DNAH1: variants seen among roughly 807,000 people sequenced by gnomAD.
The protein encoded by DNAH1 is dynein axonemal heavy chain 1, also known as axonemal beta dynein heavy chain 1.
DNAH1 carries 327 observed loss-of-function variants against 484.3 expected under a neutral mutation model. That is an observed-to-expected ratio of 0.68 (90% CI 0.62 to 0.74). The LOEUF is 0.74. Ranked by LOEUF, DNAH1 falls within the 30% of genes least tolerant of loss-of-function variation. The pLI is 0.00. For synonymous variants in DNAH1, 2,192 were observed against 2,191.9 expected, an observed-to-expected ratio of 1.00 and a Z score of 0.00; for missense variants, 5,052 against 5,546.8, an observed-to-expected ratio of 0.91 and a Z score of 2.83.
chr3:52,373,526 G>T, intron 44 of DNAH1: 2 of 1,461,672 alleles, frequency 1.4e-6, no homozygotes, highest in African/African-American at 1.4e-5. Flanking sequence ...TTGCTGTCCC[G>T]TCTACAGTGT....
chr3:52,391,991 G>A (rs1212085550), intron 63 of DNAH1, among the ~76,000 whole-genome samples: 1 of 152,168 alleles, frequency 6.6e-6, no homozygotes, highest in Non-Finnish European at 1.5e-5. Context: ...CAAATGCCCT[G>A]CTTCTTATCC....
In DNAH1 at chr3:52,379,836, CCTGGTGGTTTGAG is replaced by C; in HGVS notation, c.7378-68_7378-56del. On this transcript the variant is annotated intron_variant, in intron 47 of 77. Coordinates refer to ENST00000420323, the MANE Select transcript of DNAH1 (RefSeq NM_015512.5). The surrounding 1 kb of genome is among the most constrained non-coding windows in gnomAD (Gnocchi z 4.4). ...AGGAACTGGGGCCCACCCTCCCTTG[CCTGGTGGTTTGAG>C]AGATAGCTGAGGGCTTGGGGGCCAA... 1 of 1,403,260 alleles carries C rather than the reference CCTGGTGGTTTGAG, an allele frequency of 7.1e-7. No homozygotes were observed. 86.9% of individuals were successfully genotyped at this position (1,403,260 alleles called of 1,614,324 possible). A position where few individuals can be genotyped will look rare whatever the true frequency, so the allele number is the denominator to read the frequency against.
At chr3:52,351,427 A>G (rs73091151) in intron 16 of DNAH1, among the ~76,000 whole-genome samples, 3 of 152,346 alleles carry the variant, frequency 2.0e-5, no homozygotes, top group Non-Finnish European at 2.9e-5. Context: ...AGAGGGAGAC[A>G]CTGGCAGACA....
Position 52,386,722 on chromosome 3 carries a change from A to C in DNAH1, c.8872A>C (p.Met2958Leu), listed in dbSNP as rs1183616337. 1.9e-6 allele frequency: 3 copies of C among 1,591,964 alleles called. No individual in the cohort carries two copies. The African/African-American group carries it at 4.0e-5, about 21-fold the overall frequency. ...VKLVIEAVCI[M>L]KGIKPKKVPG... Reference sequence around the variant, plus strand: ...ACTGGTCATAGAAGCTGTGTGCATTATGAAAGGCATCAAGCCCAAGAAGGT... The same window carrying C: ...ACTGGTCATAGAAGCTGTGTGCATTCTGAAAGGCATCAAGCCCAAGAAGGT... Residue 2958 changes from methionine (M) to leucine (L), a missense_variant, in exon 56 of 78, where the codon ATG becomes CTG. Coordinates refer to ENST00000420323, the MANE Select transcript of DNAH1 (RefSeq NM_015512.5).
chr3:52,337,735 A>T (rs535855431), intron 8 of DNAH1, among the ~76,000 whole-genome samples: 1 of 152,174 alleles, frequency 6.6e-6, no homozygotes, highest in Non-Finnish European at 1.5e-5. Flanking sequence ...TATAGTCTCC[A>T]TTATCCCCTG....
intron 1 of DNAH1, among the ~76,000 whole-genome samples, chr3:52,322,155 C>T (rs939034562): frequency 6.6e-6 from 1 of 152,144 alleles, no homozygotes; most frequent in Non-Finnish European, 1.5e-5. Context: ...TTTCCCCTCA[C>T]TCAGCCCTTA....
At position 52,397,721 on chromosome 3, in the gene DNAH1, C is replaced by T. The variant is rs370625649; in HGVS notation, c.11802C>T (p.Tyr3934=). ...CTCTCTCCTAGGGCTACCTCTCCTA[C>T]ATCAAGAGCCTCCCACTCAATGATA... The part of the protein sequence containing the change: ...PTYDLHGYLS[Y]IKSLPLNDMP... The change falls in exon 74 of 78, where the codon TAC becomes TAT. Residue 3934 remains tyrosine (Y), a synonymous_variant. Coordinates refer to ENST00000420323, the MANE Select transcript of DNAH1 (RefSeq NM_015512.5). 8.1e-5 allele frequency: 131 copies of T among 1,609,480 alleles called. No homozygotes were observed. Among genetic ancestry groups the T allele is most frequent in the Non-Finnish European group, 1.0e-4 (123 of 1,177,586 alleles).
chr3:52,332,326 C>T lies in DNAH1; in HGVS notation c.1218C>T (p.Ile406=). The T allele has an allele frequency of 6.2e-7, 1 of 1,614,084 alleles. No homozygotes were observed. The highest frequency in any genetic ancestry group is 8.5e-7 in the Non-Finnish European group (1 of 1,179,908). The change falls in exon 8 of 78, where the codon ATC becomes ATT. Residue 406 remains isoleucine, a synonymous_variant. Transcript: ENST00000420323. ...TGCCCTCTGACGGCCAGCATGTCATCAGTGAACAGAGCCTGAGCAAGATCA... is the reference window on the plus strand; with the variant it reads ...TGCCCTCTGACGGCCAGCATGTCATTAGTGAACAGAGCCTGAGCAAGATCA... ...DCMPSDGQHV[I]SEQSLSKIKQ... is the part of the protein sequence containing the mutation.
chr3:52,352,277 A>G (rs562154010), intron 17 of DNAH1, among the ~76,000 whole-genome samples, 174 bp downstream of exon 17: 3 of 152,160 alleles, frequency 2.0e-5, no homozygotes, highest in African/African-American at 7.2e-5. Flanking sequence ...GGCCAAAGAG[A>G]TGCCTGGGCA....
intron 8 of DNAH1, among the ~76,000 whole-genome samples, chr3:52,340,971 C>T (rs1368257295): frequency 6.6e-6 from 1 of 151,880 alleles, no homozygotes; most frequent in African/African-American, 2.4e-5. Flanking sequence ...TTCCTTCCTT[C>T]CTCCCTCCCT....
intron 66 of DNAH1, among the ~76,000 whole-genome samples, chr3:52,393,882 G>C (rs1489818390): frequency 1.3e-5 from 2 of 152,230 alleles, no homozygotes; most frequent in African/African-American, 4.8e-5. Context: ...CTGGAAGACA[G>C]AGCGATATTC....
intron 6 of DNAH1, 23 bp from the exon 7 acceptor site, chr3:52,331,125 T>C: frequency 1.3e-6 from 2 of 1,567,474 alleles, no homozygotes; most frequent in Non-Finnish European, 1.7e-6. Flanking sequence ...GGGGCACTGG[T>C]GGAGTTTCTC....
intron 43 of DNAH1, 88 bp from the exon 44 acceptor site, chr3:52,372,808 C>G: frequency 6.6e-7 from 1 of 1,514,468 alleles, no homozygotes; most frequent in Non-Finnish European, 8.8e-7. Context: ...AAGGGCTTCC[C>G]AGAGGCAAAG....
intron 20 of DNAH1, among the ~76,000 whole-genome samples, chr3:52,354,557 T>C (rs1316966417): frequency 6.6e-6 from 1 of 150,980 alleles, no homozygotes; most frequent in African/African-American, 2.4e-5. Context: ...TGCTTGAATC[T>C]GGGAGGCAGA....
Position 52,346,523 on chromosome 3 carries a change from C to T in DNAH1, c.1708C>T (p.Arg570Cys), listed in dbSNP as rs184765148. The T allele has an allele frequency of 3.8e-5, 62 of 1,613,604 alleles. No individual in the cohort carries two copies. The highest frequency in any genetic ancestry group is 1.9e-4 in the South Asian group (17 of 91,002). ...SWISSLKVAM[R>C]SSLRDMSKGW... ...GATCAGCTCGCTAAAGGTGGCCATG[C>T]GCAGCAGCCTGCGCGACATGAGCAA... The change falls in exon 11 of 78, where the codon CGC becomes TGC. Residue 570 changes from arginine to cysteine, a missense_variant. By Grantham distance (180) the Arg-to-Cys change is radical. Around this residue, in one of 4 missense-constraint regions of DNAH1, gnomAD observed 1,263 missense variants for 1,218.8 expected, o/e 1.04. Coordinates refer to ENST00000420323, the MANE Select transcript of DNAH1 (RefSeq NM_015512.5).
In DNAH1 at chr3:52,322,553, C is replaced by G. The variant is rs1190234847; in HGVS notation, c.111C>G (p.Asn37Lys). The G allele has an allele frequency of 6.2e-7, 1 of 1,613,890 alleles. No homozygotes were observed. The highest frequency in any genetic ancestry group is 8.5e-7 in the Non-Finnish European group (1 of 1,179,852). The change falls in exon 2 of 78, where the codon AAC becomes AAG. Residue 37 changes from asparagine to lysine, a missense_variant. By Grantham distance (94) the Asn-to-Lys change is moderately conservative. Coordinates refer to ENST00000420323, the MANE Select transcript of DNAH1 (RefSeq NM_015512.5). ...QVGTHRGLEY[N>K]PGKILPGSDY... The stretch of plus-strand genomic sequence containing the variant: ...GGACCCACAGGGGCCTAGAGTATAA[C>G]CCGGGGAAGATTCTTCCAGGATCAG...
Position 52,397,847 on chromosome 3 carries a change from A to T in DNAH1, c.11928A>T (p.Ser3976=). The change falls in exon 74 of 78, where the codon TCA becomes TCT. Residue 3976 remains serine (S), a synonymous_variant. Transcript: ENST00000420323. ...LGTIIQLQPK[S]SSAGSQGREE... ...CCATCATCCAGCTGCAACCCAAATC[A>T]TCTTCTGCAGGCAGCCAGGGCCGGG... 1 of 1,610,120 alleles carries T rather than the reference A, an allele frequency of 6.2e-7. No individual in the cohort carries two copies. The highest frequency in any genetic ancestry group is 1.1e-5 in the South Asian group (1 of 90,522).
chr3:52,343,536 G>A (rs1379140389), intron 8 of DNAH1, among the ~76,000 whole-genome samples: 2 of 152,094 alleles, frequency 1.3e-5, no homozygotes, highest in Non-Finnish European at 2.9e-5. Flanking sequence ...TCCAGGTTCC[G>A]AGGGAGTGAG....
rs1181534161 is a variant in DNAH1, at chr3:52,326,882, C to G, written c.729C>G (p.Leu243=). ...QGHDPIFPIY[L]PLKVFDNEDF... ...ATGACCCAATCTTCCCCATCTACCT[C>G]CCACTGAAGGTGAGCCGGGCTTCCA... Residue 243 remains leucine (L), a synonymous_variant, in exon 5 of 78, where the codon CTC becomes CTG. Transcript: ENST00000420323. 6.2e-7 allele frequency: 1 copy of G among 1,612,658 alleles called. No homozygotes were observed. Among genetic ancestry groups the G allele is most frequent in the African/African-American group, 1.3e-5 (1 of 74,810 alleles).
Sources: allele counts gnomAD v4.1 joint callset (sites outside exome capture counted in the v4.1 genomes callset), GRCh38; gene constraint gnomAD v4.1.1; regional missense constraint gnomAD v4.1.1; non-coding constraint Gnocchi (gnomAD v3.1); transcripts MANE v1.5; gene names NCBI Gene and HGNC (gene_info 2026-07-23, HGNC 2026-07-21).